DGLUCY: variants seen among roughly 807,000 people sequenced by gnomAD.
DGLUCY encodes the protein D-glutamate cyclase, mitochondrial.
In DGLUCY, 58 loss-of-function variants were observed where a neutral mutation model predicts 58.5. The ratio of observed to expected loss-of-function variants is 0.99; its 90% CI spans 0.80 to 1.23. DGLUCY has a LOEUF of 1.23. Ranked by LOEUF, DGLUCY falls within the 50% of genes most tolerant of loss-of-function variation. DGLUCY has a pLI of 0.00. For missense variants in DGLUCY, 779 were observed against 784.7 expected, an observed-to-expected ratio of 0.99 and a Z score of 0.09; for synonymous variants, 325 against 314.1, an observed-to-expected ratio of 1.03 and a Z score of -0.37.
chr14:91,087,156 C>T (rs963375180), intron 1 of DGLUCY, among the ~76,000 whole-genome samples: 8 of 152,152 alleles, frequency 5.3e-5, no homozygotes, highest in South Asian at 2.1e-4. Context: ...CTAAAAAAGC[C>T]GAGCCCCCCA....
intron 1 of DGLUCY, among the ~76,000 whole-genome samples, chr14:91,064,858 G>T (rs2043795777): frequency 6.6e-6 from 1 of 152,136 alleles, no homozygotes; most frequent in Non-Finnish European, 1.5e-5. Context: ...TTTTGGCAAG[G>T]CAAATGGAAG....
At position 91,175,926 on chromosome 14, in the gene DGLUCY, A is replaced by G; in HGVS notation, c.608-8A>G. The G allele has an allele frequency of 6.2e-7, 1 of 1,613,448 alleles. No homozygotes were observed. The highest frequency in any genetic ancestry group is 8.5e-7 in the Non-Finnish European group (1 of 1,179,540). ...TGAGGAAATTACATTTTCCTTTTCC[A>G]TCTGCAGAACTGTTGGGAATCAAAG... On this transcript the variant is annotated splice_region_variant and splice_polypyrimidine_tract_variant and intron_variant, in intron 6 of 13. Transcript: ENST00000256324.
intron 1 of DGLUCY, among the ~76,000 whole-genome samples, chr14:91,122,476 T>A (rs1346646720): frequency 6.6e-6 from 1 of 152,170 alleles, no homozygotes; most frequent in Non-Finnish European, 1.5e-5. Context: ...AGATTTTTTT[T>A]ATTTTAAATT....
At position 91,160,417 on chromosome 14, in the gene DGLUCY, TAAA is replaced by T. The variant is rs34785372; in HGVS notation, c.103+42_103+44del. The T allele has an allele frequency of 0.11, 63,658 of 558,672 alleles. 3 individuals are homozygous for T. The highest frequency in any genetic ancestry group is 0.13 in the East Asian group (3,323 of 25,198). The allele number at this position is 558,672 out of a possible 1,614,324, so 34.6% of individuals were successfully genotyped here. On this transcript the variant is annotated intron_variant, in intron 3 of 13. Transcript: ENST00000256324. ...CTGGAGGTAAGTGGTGCCAGATAGT[TAAA>T]AAAAAAAAAAAAAAAAAAAAAGAAA... is the stretch of plus-strand genomic sequence containing the variant.
chr14:91,135,751 G>A (rs1040436422), intron 1 of DGLUCY, among the ~76,000 whole-genome samples: 5 of 147,024 alleles, frequency 3.4e-5, no homozygotes, highest in Admixed American at 2.8e-4. Flanking sequence ...GTTCAAATTA[G>A]TTGAGTTTTT....
chr14:91,167,087 C>T, intron 3 of DGLUCY, 138 bp from the exon 4 acceptor site: 1 of 1,139,182 alleles, frequency 8.8e-7, no homozygotes, highest in African/African-American at 1.6e-5. Context: ...TGCAGTGAGC[C>T]AAGATTGTGC....
chr14:91,080,721 C>G (rs1229605898), intron 1 of DGLUCY, among the ~76,000 whole-genome samples: 1 of 150,104 alleles, frequency 6.7e-6, no homozygotes, highest in Non-Finnish European at 1.5e-5. Context: ...ATCCCAAACT[C>G]ATCATATAAG....
intron 1 of DGLUCY, among the ~76,000 whole-genome samples, chr14:91,124,083 A>G (rs549691490): frequency 6.6e-6 from 1 of 152,068 alleles, no homozygotes; most frequent in South Asian, 2.1e-4. Flanking sequence ...GCACGCCATC[A>G]TGCCCGGCTA....
At chr14:91,146,875 C>T (rs987095753) in intron 1 of DGLUCY, among the ~76,000 whole-genome samples, 2 of 151,980 alleles carry the variant, frequency 1.3e-5, no homozygotes, top group Non-Finnish European at 2.9e-5. Flanking sequence ...ATAGATGGAG[C>T]GCACCACCCA....
At chr14:91,126,220 G>A (rs1222033855) in intron 1 of DGLUCY, among the ~76,000 whole-genome samples, 1 of 152,154 alleles carries the variant, frequency 6.6e-6, no homozygotes, top group Non-Finnish European at 1.5e-5. Context: ...GGAGTTCTAC[G>A]TCAATGTATT....
chr14:91,185,939 C>T (rs1373219347), intron 8 of DGLUCY, among the ~76,000 whole-genome samples: 2 of 152,064 alleles, frequency 1.3e-5, no homozygotes, highest in Admixed American at 6.6e-5. Context: ...TTTTGATCCC[C>T]ACTATATTAA....
chr14:91,199,724 A>G (rs529135121), intron 10 of DGLUCY, 33 bp from the exon 11 acceptor site: 4 of 1,611,644 alleles, frequency 2.5e-6, no homozygotes, highest in South Asian at 2.2e-5. Flanking sequence ...TCTCCATAGG[A>G]CCCTCTGACC....
chr14:91,145,034 A>C (rs1339060567), intron 1 of DGLUCY, among the ~76,000 whole-genome samples: 1 of 152,096 alleles, frequency 6.6e-6, no homozygotes, highest in African/African-American at 2.4e-5. Context: ...TCCTCCTATT[A>C]TAGAGCCTAA....
chr14:91,162,828 C>G (rs377654991), intron 3 of DGLUCY, among the ~76,000 whole-genome samples: 1 of 149,462 alleles, frequency 6.7e-6, no homozygotes, highest in Non-Finnish European at 1.5e-5. Flanking sequence ...ACCCAGAAGG[C>G]GGAGGTTGCA....
chr14:91,076,367 C>G (rs1425067080), intron 1 of DGLUCY, among the ~76,000 whole-genome samples: 2 of 152,126 alleles, frequency 1.3e-5, no homozygotes, highest in Admixed American at 6.6e-5. Flanking sequence ...AATCTCTAGG[C>G]TACTTATAAT....
intron 12 of DGLUCY, among the ~76,000 whole-genome samples, chr14:91,207,741 T>TTTC (rs1555406342): frequency 1.3e-5 from 2 of 151,456 alleles, no homozygotes; most frequent in African/African-American, 4.9e-5. Flanking sequence ...CTATTTTTAT[T>TTTC]TTTTTCTTTT....
chr14:91,060,725 G>A (rs1233400155), intron 1 of DGLUCY: 5 of 289,630 alleles, frequency 1.7e-5, no homozygotes, highest in Non-Finnish European at 1.9e-5. Context: ...CATTCGAGCC[G>A]CCTTCGCTGA....
chr14:91,079,179 C>T (rs1368438214), intron 1 of DGLUCY, among the ~76,000 whole-genome samples: 1 of 152,026 alleles, frequency 6.6e-6, no homozygotes, highest in African/African-American at 2.4e-5. Context: ...GCAGGGATTA[C>T]AGGCACAAGC....
chr14:91,125,604 C>T (rs2045626586), intron 1 of DGLUCY: 1 of 152,242 alleles, frequency 6.6e-6, no homozygotes, highest in South Asian at 2.1e-4. Context: ...CACATTGTCC[C>T]TGTGTCTAGC....
Sources: allele counts gnomAD v4.1 joint callset (sites outside exome capture counted in the v4.1 genomes callset), GRCh38; gene constraint gnomAD v4.1.1; transcripts MANE v1.5; gene names NCBI Gene and HGNC (gene_info 2026-07-23, HGNC 2026-07-21).